The following CDC27 variants were observed in gnomAD, a reference collection of about 807,000 sequenced individuals.
CDC27 encodes the protein cell division cycle 27.
In CDC27, 27 loss-of-function variants were observed where a neutral mutation model predicts 109.7. That is an observed-to-expected ratio of 0.25 (90% CI 0.18 to 0.34). The LOEUF (loss-of-function observed/expected upper bound fraction) is 0.34, where lower values mean the gene tolerates loss of function less well. Ranked by LOEUF, CDC27 falls within the 10% of genes least tolerant of loss-of-function variation. The pLI, the probability that CDC27 is intolerant of heterozygous loss-of-function variation, is 1.00. For synonymous variants in CDC27, 266 were observed against 333.9 expected (o/e 0.80, Z 2.22); for missense variants, 579 against 960.2 (o/e 0.60, Z 5.25).
chr17:47,138,781 A>G lies in CDC27; in HGVS notation c.1662T>C (p.Val554=). The change falls in exon 13 of 19, where the codon GTT becomes GTC. Residue 554 remains valine (V), a synonymous_variant. Coordinates refer to ENST00000066544, the MANE Select transcript of CDC27 (RefSeq NM_001256.6). ...WHLQKDVALS[V]LSKDLTDMDK... ...CCATGTCTGTTAAGTCTTTTGACAG[A>G]ACTGAAAGAGCAACATCTTTTTGAA... 2 of 1,611,756 alleles carry G rather than the reference A, an allele frequency of 1.2e-6. No individual in the cohort carries two copies. Among genetic ancestry groups the G allele is most frequent in the South Asian group, 1.1e-5 (1 of 90,974 alleles).
At chr17:47,136,326 A>C (rs889657383) in intron 14 of CDC27, among the ~76,000 whole-genome samples, 8 of 152,216 alleles carry the variant, frequency 5.3e-5, no homozygotes, top group Non-Finnish European at 8.8e-5. Flanking sequence ...TAATCCATTA[A>C]CAACATATTC....
At chr17:47,161,053 ATTTC>A (rs914350546) in intron 4 of CDC27, 18 of 151,712 alleles carry the variant, frequency 1.2e-4, no homozygotes, top group South Asian at 4.2e-4. Context: ...TAGATCAAAA[ATTTC>A]TTTCTTTTTT....
intron 17 of CDC27, among the ~76,000 whole-genome samples, chr17:47,123,422 T>C (rs1468022518): frequency 9.2e-6 from 1 of 108,714 alleles, no homozygotes; most frequent in Non-Finnish European, 2.1e-5. Context: ...TTTTTTTTTT[T>C]CTTTCTGAGA....
intron 1 of CDC27, among the ~76,000 whole-genome samples, chr17:47,186,758 AAG>A (rs1028350161): frequency 3.3e-5 from 5 of 150,184 alleles, no homozygotes; most frequent in Admixed American, 1.3e-4. Context: ...TAAAACTTTA[AAG>A]AAAAAAAAAT....
At chr17:47,139,367 C>T (rs1471324763) in intron 12 of CDC27, among the ~76,000 whole-genome samples, 1 of 151,196 alleles carries the variant, frequency 6.6e-6, no homozygotes, top group Non-Finnish European at 1.5e-5. Context: ...CCCGAGTTCA[C>T]GCCCTTCTCC....
At chr17:47,171,621 A>G (rs1333662926) in intron 3 of CDC27, among the ~76,000 whole-genome samples, 1 of 152,200 alleles carries the variant, frequency 6.6e-6, no homozygotes, top group Non-Finnish European at 1.5e-5. Flanking sequence ...GGCTTACTCA[A>G]ATTGGTCTAA....
intron 1 of CDC27, among the ~76,000 whole-genome samples, chr17:47,184,696 A>G (rs1282099769): frequency 6.6e-6 from 1 of 152,188 alleles, no homozygotes; most frequent in Non-Finnish European, 1.5e-5. Context: ...AGAATCTCAC[A>G]TACTGCTTCC....
At chr17:47,179,082 C>G (rs933982425) in intron 2 of CDC27, among the ~76,000 whole-genome samples, 3 of 152,174 alleles carry the variant, frequency 2.0e-5, no homozygotes, top group Non-Finnish European at 4.4e-5. Flanking sequence ...TTATATCATT[C>G]TGCTGTTCCT....
At chr17:47,136,334 T>G (rs1039557822) in intron 14 of CDC27, among the ~76,000 whole-genome samples, 6 of 152,108 alleles carry the variant, frequency 3.9e-5, no homozygotes, top group Admixed American at 3.9e-4. Flanking sequence ...TAACAACATA[T>G]TCACAAATCA....
chr17:47,180,319 C>T (rs111785717), intron 2 of CDC27, among the ~76,000 whole-genome samples: 14 of 152,250 alleles, frequency 9.2e-5, no homozygotes, highest in African/African-American at 3.4e-4. Context: ...GGACCTTAAA[C>T]TCCTGCTGCC....
chr17:47,139,717 T>TG (rs1167194170), intron 12 of CDC27: 4 of 152,210 alleles, frequency 2.6e-5, no homozygotes, highest in African/African-American at 9.6e-5. Flanking sequence ...TAAATCCTAT[T>TG]GAGCCCTGAA....
intron 14 of CDC27, among the ~76,000 whole-genome samples, chr17:47,133,017 A>G (rs2062409017): frequency 4.2e-5 from 2 of 47,560 alleles, no homozygotes; most frequent in South Asian, 1.5e-3. Flanking sequence ...ATATATATAT[A>G]TATATATATA....
intron 4 of CDC27, among the ~76,000 whole-genome samples, chr17:47,161,334 G>T (rs2063492393): frequency 6.6e-6 from 1 of 152,012 alleles, no homozygotes; most frequent in African/African-American, 2.4e-5. Flanking sequence ...CACCCACCAG[G>T]GATAGAGTGG....
chr17:47,150,111 G>A (rs116565422), intron 9 of CDC27, among the ~76,000 whole-genome samples: 1,654 of 152,272 alleles, frequency 0.011, 34 homozygotes, highest in African/African-American at 0.037. Flanking sequence ...AGAGGAGCAC[G>A]AAAGTATACT....
chr17:47,157,510 T>TG, intron 5 of CDC27, 126 bp from the exon 6 acceptor site: 1 of 595,130 alleles, frequency 1.7e-6, no homozygotes, highest in Admixed American at 3.5e-5. Context: ...TCCTGTCCAC[T>TG]TCTGCTAATC....
intron 2 of CDC27, 144 bp from the exon 3 acceptor site, chr17:47,172,208 A>G (rs113576081): frequency 6.0e-4 from 328 of 545,380 alleles, no homozygotes; most frequent in African/African-American, 5.8e-3. Context: ...TCAAATTTGA[A>G]TTATGGAGAA....
chr17:47,122,681 T>A, intron 17 of CDC27, 81 bp from the exon 18 acceptor site: 2 of 1,028,570 alleles, frequency 1.9e-6, no homozygotes, highest in Non-Finnish European at 2.6e-6. Context: ...TATACTTATT[T>A]ATTTATTTTT....
intron 4 of CDC27, among the ~76,000 whole-genome samples, chr17:47,168,297 C>A (rs1171716470): frequency 2.6e-5 from 4 of 152,110 alleles, no homozygotes; most frequent in Admixed American, 2.0e-4. Flanking sequence ...TGCTGCCAGT[C>A]CCCATCCTGA....
intron 9 of CDC27, among the ~76,000 whole-genome samples, chr17:47,148,182 G>C (rs1028867543): frequency 6.8e-6 from 1 of 146,826 alleles, no homozygotes; most frequent in African/African-American, 2.5e-5. Flanking sequence ...CTGGGCAACA[G>C]AGCGAGACTC....
Sources: allele counts gnomAD v4.1 joint callset (sites outside exome capture counted in the v4.1 genomes callset), GRCh38; gene constraint gnomAD v4.1.1; transcripts MANE v1.5; gene names NCBI Gene and HGNC (gene_info 2026-07-23, HGNC 2026-07-21).